Variants in ACACA observed in about 807,000 individuals in gnomAD.
ACACA encodes acetyl-CoA carboxylase alpha.
A neutral mutation model predicts 296.1 loss-of-function variants in ACACA; 103 were observed. The observed-to-expected ratio is 0.35, with a 90% CI of 0.30 to 0.41. The LOEUF is 0.41. Among genes scored for constraint, ACACA ranks in the 10% least tolerant of loss-of-function variants. The pLI is 1.00. For missense variants in ACACA, 1,554 were observed against 2,989.7 expected (o/e 0.52, Z 11.20); for synonymous variants, 953 against 1,038.6 (o/e 0.92, Z 1.58).
At chr17:37,183,396 T>C (rs1241603295) in intron 39 of ACACA, among the ~76,000 whole-genome samples, 1 of 152,202 alleles carries the variant, frequency 6.6e-6, no homozygotes, top group African/African-American at 2.4e-5. Context: ...TTTTACGTAT[T>C]TACCCAAAGG....
At chr17:37,335,752 G>A (rs1404507692) in intron 2 of ACACA, among the ~76,000 whole-genome samples, 3 of 152,148 alleles carry the variant, frequency 2.0e-5, no homozygotes, top group Admixed American at 6.5e-5. Context: ...GGAATGGGTC[G>A]CTGATACCCT....
chr17:37,155,668 T>C lies in ACACA; in HGVS notation c.5447+15A>G, dbSNP rs901071213. ...TTTAGTCATGACCAAATTATTCCAA[T>C]ACATATATACCTACCTGGATTCTCC... On this transcript the variant is annotated intron_variant, in intron 43 of 55. Transcript: ENST00000616317. 1.9e-6 allele frequency: 3 copies of C among 1,559,374 alleles called. No individual in the cohort carries two copies. Among genetic ancestry groups the C allele is most frequent in the South Asian group, 2.2e-5 (2 of 90,028 alleles).
intron 1 of ACACA, chr17:37,391,714 C>T (rs766956579): frequency 1.9e-6 from 3 of 1,613,640 alleles, no homozygotes; most frequent in Admixed American, 3.3e-5. Flanking sequence ...ATCCACCAGA[C>T]ATACTTCTGA....
intron 15 of ACACA, among the ~76,000 whole-genome samples, 165 bp from the exon 16 acceptor site, chr17:37,252,273 T>C (rs1312070193): frequency 6.6e-6 from 1 of 152,204 alleles, no homozygotes; most frequent in East Asian, 1.9e-4. Flanking sequence ...CATTCACTTT[T>C]AGAATTTGAT....
intron 3 of ACACA, chr17:37,328,803 C>T: frequency 5.0e-6 from 2 of 398,356 alleles, no homozygotes; most frequent in Non-Finnish European, 8.9e-6. Context: ...CACCTATAAT[C>T]TGAATGCTGG....
intron 14 of ACACA, among the ~76,000 whole-genome samples, chr17:37,254,041 G>C (rs932931303): frequency 6.6e-6 from 1 of 152,144 alleles, no homozygotes. Context: ...TTTATGCCCA[G>C]TGTCTATCCT....
intron 41 of ACACA, chr17:37,162,495 G>A (rs958059599): frequency 6.8e-6 from 2 of 292,708 alleles, no homozygotes; most frequent in Non-Finnish European, 1.3e-5. Flanking sequence ...AGGTGTTTGG[G>A]TCATGGGGTG....
chr17:37,120,330 A>G (rs1039699728), intron 50 of ACACA, among the ~76,000 whole-genome samples: 2 of 151,900 alleles, frequency 1.3e-5, no homozygotes, highest in Non-Finnish European at 2.9e-5. Flanking sequence ...CAGTGGCACA[A>G]TCTTGGCTCA....
intron 1 of ACACA, among the ~76,000 whole-genome samples, chr17:37,357,926 C>A (rs1392328393): frequency 6.6e-6 from 1 of 151,910 alleles, no homozygotes; most frequent in African/African-American, 2.4e-5. Flanking sequence ...TCTATACTAC[C>A]GAATTGGGAG....
chr17:37,306,563 G>T lies in ACACA; in HGVS notation c.339-21593C>A, dbSNP rs150570891. The stretch of plus-strand genomic sequence containing the variant: ...TTCCTAGTCAATATTCTCCCTTAAA[G>T]GTAAAGACTACTCTGACCTTTTATA... On this transcript the variant is annotated intron_variant, in intron 3 of 55. Coordinates refer to ENST00000616317, the MANE Select transcript of ACACA (RefSeq NM_198834.3). Among the ~76,000 whole-genome samples the T allele has an allele frequency of 1.3e-3, 202 of 152,154 alleles. 2 individuals carry two copies. Among genetic ancestry groups the T allele is most frequent in the Middle Eastern group, 3.4e-3 (1 of 294 alleles).
intron 1 of ACACA, among the ~76,000 whole-genome samples, chr17:37,384,369 A>G (rs2050435906): frequency 6.6e-6 from 1 of 152,212 alleles, no homozygotes; most frequent in African/African-American, 2.4e-5. Flanking sequence ...TGTTATCAAT[A>G]TTTCAAAATT....
intron 11 of ACACA, among the ~76,000 whole-genome samples, chr17:37,263,086 A>G (rs1483944835): frequency 6.6e-6 from 1 of 152,170 alleles, no homozygotes; most frequent in African/African-American, 2.4e-5. Context: ...ACATCCTAAT[A>G]TATACACAAC....
At chr17:37,336,755 A>G (rs2048137534) in intron 2 of ACACA, among the ~76,000 whole-genome samples, 1 of 152,234 alleles carries the variant, frequency 6.6e-6, no homozygotes, top group Admixed American at 6.5e-5. Flanking sequence ...ATTAATAGAT[A>G]ATAAATGTAT....
intron 7 of ACACA, 103 bp downstream of exon 7, chr17:37,276,930 A>G: frequency 1.0e-6 from 1 of 960,282 alleles, no homozygotes; most frequent in East Asian, 2.4e-5. Flanking sequence ...AAAGAGAGAG[A>G]GAGCCCAGCA....
rs200758193 is a variant in ACACA at position 37,121,345 on chromosome 17, G to C, written c.6274+10C>G. The C allele has an allele frequency of 2.9e-5, 47 of 1,614,026 alleles. No individual in the cohort carries two copies. In the East Asian group the frequency reaches 9.8e-4, roughly 34 times the overall value. ...GTGATGCCCCTCCAGCCCACAGGCAGCCCAGTCACCTTTCATTCCACCAGA... is the reference window on the plus strand; with the variant it reads ...GTGATGCCCCTCCAGCCCACAGGCACCCCAGTCACCTTTCATTCCACCAGA... On this transcript the variant is annotated intron_variant, in intron 50 of 55. Coordinates refer to ENST00000616317, the MANE Select transcript of ACACA (RefSeq NM_198834.3).
chr17:37,403,961 T>C (rs561955283), intron 1 of ACACA, among the ~76,000 whole-genome samples: 38 of 152,020 alleles, frequency 2.5e-4, no homozygotes, highest in South Asian at 6.2e-4. Flanking sequence ...TTAGCAGAGA[T>C]GGGTTTTCGC....
At chr17:37,101,556 G>A (rs1249019330) in intron 52 of ACACA, among the ~76,000 whole-genome samples, 1 of 152,208 alleles carries the variant, frequency 6.6e-6, no homozygotes, top group African/African-American at 2.4e-5. Context: ...AAATGCAGCA[G>A]TTTGGGTCCC....
At chr17:37,322,261 T>C (rs1473364797) in intron 3 of ACACA, among the ~76,000 whole-genome samples, 1 of 152,218 alleles carries the variant, frequency 6.6e-6, no homozygotes, top group Admixed American at 6.5e-5. Flanking sequence ...TGAACCCCAG[T>C]GATAGACATC....
At chr17:37,167,984 G>A (rs2076748234) in intron 41 of ACACA, among the ~76,000 whole-genome samples, 1 of 152,248 alleles carries the variant, frequency 6.6e-6, no homozygotes, top group South Asian at 2.1e-4. Flanking sequence ...TACCCATGAT[G>A]TAATACTAAA....
Sources: allele counts gnomAD v4.1 joint callset (sites outside exome capture counted in the v4.1 genomes callset), GRCh38; gene constraint gnomAD v4.1.1; transcripts MANE v1.5; gene names NCBI Gene and HGNC (gene_info 2026-07-23, HGNC 2026-07-21).